NMU: variants seen among roughly 807,000 people sequenced by gnomAD.
NMU encodes the protein neuromedin-U.
In NMU, 29 loss-of-function variants were observed where a neutral mutation model predicts 35.4. The observed-to-expected ratio is 0.82, with a 90% CI of 0.61 to 1.12. The LOEUF (loss-of-function observed/expected upper bound fraction) is 1.12. Among genes scored for constraint, NMU ranks in the 50% most tolerant of loss-of-function variants. The probability of loss-of-function intolerance (pLI) is 0.00; values close to 1 mark genes in which losing one functional copy is unlikely to be tolerated. For missense variants in NMU, 199 were observed against 206.2 expected (o/e 0.97, Z 0.21); for synonymous variants, 78 against 81.3 (o/e 0.96, Z 0.22).
At position 55,598,175 on chromosome 4, in the gene NMU, T is replaced by TGG. The variant is rs1486211352; in HGVS notation, c.*4+966_*4+967insCC. On this transcript the variant is annotated intron_variant, in intron 9 of 9. Transcript: ENST00000264218. ...AGAGGAAAGATCATAGCTCACAGCC[T>TGG]CAAACTCCTGGGCTCAAGCGATCCT... Among the ~76,000 whole-genome samples, 4 of 137,942 alleles carry TGG rather than the reference T, an allele frequency of 2.9e-5. No homozygotes were observed. The East Asian group carries it at 1.0e-3, about 34-fold the overall frequency. 90.5% of individuals were successfully genotyped at this position (137,942 alleles called of 152,430 possible). A position where few individuals can be genotyped will look rare whatever the true frequency, so the allele number is the denominator to read the frequency against.
In NMU at chr4:55,618,679, CTTCT is replaced by C. The variant is rs200004974; in HGVS notation, c.172-2298_172-2295del. 6.2e-3 allele frequency among the ~76,000 whole-genome samples: 864 copies of C among 138,394 alleles called. 8 individuals are homozygous for C. The highest frequency in any genetic ancestry group is 0.023 in the African/African-American group (817 of 35,902). The allele number at this position is 138,394 out of a possible 152,430, so 90.8% of individuals were successfully genotyped here. A position where few individuals can be genotyped will look rare whatever the true frequency, so the allele number is the denominator to read the frequency against. ...TCATCTTTCTTCTCTCTCTTCCTTT[CTTCT>C]CTCTTTCTTCTCTCTCTTCTTTCTT... On this transcript the variant is annotated intron_variant, in intron 2 of 9. Coordinates refer to ENST00000264218, the MANE Select transcript of NMU (RefSeq NM_006681.4).
Position 55,616,398 on chromosome 4 carries a change from A to G in NMU, c.172-13T>C. 2 of 1,603,806 alleles carry G rather than the reference A, an allele frequency of 1.2e-6. No individual in the cohort carries two copies. Among genetic ancestry groups the G allele is most frequent in the Non-Finnish European group, 1.7e-6 (2 of 1,170,624 alleles). On this transcript the variant is annotated splice_polypyrimidine_tract_variant and intron_variant, in intron 2 of 9. Transcript: ENST00000264218. Reference sequence around the variant, plus strand: ...AAGTATCATCTATCTGTAGAAAACAAAAATGTCAGTTACATCCTGGGAATG... The same window carrying G: ...AAGTATCATCTATCTGTAGAAAACAGAAATGTCAGTTACATCCTGGGAATG...
upstream of NMU, chr4:55,636,310 G>A (rs1219170470): frequency 3.7e-6 from 5 of 1,334,068 alleles, no homozygotes; most frequent in Admixed American, 1.5e-4. The surrounding 1 kb of genome is among the most constrained non-coding windows in gnomAD (Gnocchi z 4.0). Flanking sequence ...AGCGCCCGGC[G>A]AGCCGCCAAC....
intron 9 of NMU, among the ~76,000 whole-genome samples, chr4:55,597,183 AT>A (rs1368963234): frequency 1.3e-5 from 2 of 150,266 alleles, no homozygotes; most frequent in Non-Finnish European, 2.9e-5. Flanking sequence ...TTACAGTTTC[AT>A]TTTTTTATAC....
intron 2 of NMU, among the ~76,000 whole-genome samples, chr4:55,627,335 A>C (rs1267238999): frequency 1.3e-5 from 2 of 151,898 alleles, no homozygotes; most frequent in African/African-American, 4.8e-5. Context: ...CATATTTAAA[A>C]TGTTTTCAGC....
At chr4:55,606,681 CTTT>C in intron 6 of NMU, among the ~76,000 whole-genome samples, 1 of 139,948 alleles carries the variant, frequency 7.1e-6, no homozygotes, top group Admixed American at 7.2e-5. Flanking sequence ...TCTTTCTTTT[CTTT>C]TTTTTTTTTT....
At chr4:55,635,862 G>C (rs1273090353) in intron 1 of NMU, among the ~76,000 whole-genome samples, 1 of 152,226 alleles carries the variant, frequency 6.6e-6, no homozygotes, top group Non-Finnish European at 1.5e-5. Flanking sequence ...GCAGGGCCTG[G>C]GTATTTCGGC....
In NMU at chr4:55,626,615, G is replaced by A. The variant is rs553311180; in HGVS notation, c.171+3787C>T. 3.9e-5 allele frequency among the ~76,000 whole-genome samples: 6 copies of A among 152,258 alleles called. No homozygotes were observed. In the South Asian group the frequency reaches 6.2e-4, roughly 16 times the overall value. ...CCAGCTACTCAGGAGGCTGAGACAC[G>A]AGAATCACTTGAACCCGAGGAGGGG... is the stretch of plus-strand genomic sequence containing the variant. On this transcript the variant is annotated intron_variant, in intron 2 of 9. Transcript: ENST00000264218.
chr4:55,603,050 T>G (rs1292349487), intron 7 of NMU, among the ~76,000 whole-genome samples: 1 of 152,144 alleles, frequency 6.6e-6, no homozygotes, highest in Non-Finnish European at 1.5e-5. Flanking sequence ...CAGGCTGGAG[T>G]GCAGTGGCAC....
chr4:55,614,127 T>C (rs1382266211), intron 3 of NMU, among the ~76,000 whole-genome samples: 1 of 152,190 alleles, frequency 6.6e-6, no homozygotes, highest in Non-Finnish European at 1.5e-5. Flanking sequence ...ATTTCTTTCC[T>C]TTGAGTTTTT....
intron 7 of NMU, among the ~76,000 whole-genome samples, chr4:55,604,679 A>ATATTTT (rs1553909885): frequency 2.7e-4 from 13 of 47,614 alleles, no homozygotes; most frequent in African/African-American, 1.5e-3. Context: ...TGCCTGGCTA[A>ATATTTT]TTTTTTTTTT....
At chr4:55,636,378 G>T, upstream of NMU, 2 of 867,234 alleles carry the variant, frequency 2.3e-6, no homozygotes, top group Non-Finnish European at 3.2e-6. The surrounding 1 kb of genome is among the most constrained non-coding windows in gnomAD (Gnocchi z 4.0). Flanking sequence ...GCGTCACCTC[G>T]CCGCCTGCCG....
At chr4:55,636,537 T>G, upstream of NMU, 12 of 214,224 alleles carry the variant, frequency 5.6e-5, no homozygotes, top group East Asian at 2.3e-4. The surrounding 1 kb of genome is among the most constrained non-coding windows in gnomAD (Gnocchi z 4.0). Flanking sequence ...TAATGCACCA[T>G]TCCCACCTTT....
chr4:55,618,710 T>C (rs956320843), intron 2 of NMU, among the ~76,000 whole-genome samples: 74 of 140,270 alleles, frequency 5.3e-4, no homozygotes, highest in Middle Eastern at 3.4e-3. Context: ...TTCTTTCTTT[T>C]TCTTTCTTCT....
At chr4:55,611,635 T>C (rs1733936127) in intron 3 of NMU, among the ~76,000 whole-genome samples, 1 of 152,220 alleles carries the variant, frequency 6.6e-6, no homozygotes, top group Non-Finnish European at 1.5e-5. Flanking sequence ...TTTTACATTA[T>C]GTATTTACTG....
intron 9 of NMU, 34 bp downstream of exon 9, chr4:55,599,108 T>C: frequency 7.0e-7 from 1 of 1,422,490 alleles, no homozygotes; most frequent in Non-Finnish European, 9.9e-7. Flanking sequence ...CATACTATTT[T>C]ATTTATTTAT....
At chr4:55,603,925 AAATAT>A (rs796568189) in intron 7 of NMU, among the ~76,000 whole-genome samples, 3,540 of 70,508 alleles carry the variant, frequency 0.05, 517 homozygotes, top group South Asian at 0.18. Context: ...AAAAAAAAAA[AAATAT>A]ATATATATAT....
intron 2 of NMU, among the ~76,000 whole-genome samples, chr4:55,626,589 C>T (rs1404888666): frequency 6.6e-6 from 1 of 152,144 alleles, no homozygotes; most frequent in Non-Finnish European, 1.5e-5. Context: ...TGCCTGTAGT[C>T]CCAGCTACTC....
At chr4:55,626,360 C>A (rs899602761) in intron 2 of NMU, among the ~76,000 whole-genome samples, 6 of 152,086 alleles carry the variant, frequency 3.9e-5, no homozygotes, top group Non-Finnish European at 2.9e-5. Context: ...GGTGTAGTTT[C>A]TTGTATATTC....
Sources: allele counts gnomAD v4.1 joint callset (sites outside exome capture counted in the v4.1 genomes callset), GRCh38; gene constraint gnomAD v4.1.1; non-coding constraint Gnocchi (gnomAD v3.1); transcripts MANE v1.5; gene names NCBI Gene and HGNC (gene_info 2026-07-23, HGNC 2026-07-21).